The following MTDH variants were observed in gnomAD, a reference collection of about 807,000 sequenced individuals.
MTDH encodes the protein metadherin.
MTDH carries 34 observed loss-of-function variants against 72.7 expected under a neutral mutation model. The observed-to-expected ratio is 0.47, with a 90% CI of 0.36 to 0.62. The LOEUF (loss-of-function observed/expected upper bound fraction) is 0.62. Among genes scored for constraint, MTDH ranks in the 20% least tolerant of loss-of-function variants. The probability of loss-of-function intolerance (pLI) is 0.00; values close to 1 mark genes in which losing one functional copy is unlikely to be tolerated. For synonymous variants in MTDH, 266 were observed against 268.9 expected (o/e 0.99, Z 0.10); for missense variants, 677 against 699.4 (o/e 0.97, Z 0.36).
intron 10 of MTDH, among the ~76,000 whole-genome samples, chr8:97,719,434 A>C (rs1563571036): frequency 6.7e-6 from 1 of 148,226 alleles, no homozygotes; most frequent in Non-Finnish European, 1.5e-5. Flanking sequence ...CGGAGGGTGC[A>C]GTGAGCCGAG....
At chr8:97,679,072 A>G (rs548400860) in intron 2 of MTDH, among the ~76,000 whole-genome samples, 1 of 152,214 alleles carries the variant, frequency 6.6e-6, no homozygotes, top group Non-Finnish European at 1.5e-5. Flanking sequence ...CCAGAGCACG[A>G]GTACATGGGA....
intron 2 of MTDH, among the ~76,000 whole-genome samples, chr8:97,684,250 T>G (rs1342800273): frequency 6.6e-6 from 1 of 152,174 alleles, no homozygotes; most frequent in Non-Finnish European, 1.5e-5. Flanking sequence ...CTTATTGTGT[T>G]GCTTTTTTTA....
At position 97,660,378 on chromosome 8, in the gene MTDH, G is replaced by A. The variant is rs539569436; in HGVS notation, c.382-694G>A. On this transcript the variant is annotated intron_variant, in intron 1 of 11. Transcript: ENST00000336273. ...AATTACAGAATTAGAGGTTCCATTA[G>A]AGATTGCCTAACATTCATTTGTTTA... Among the ~76,000 whole-genome samples the A allele has an allele frequency of 2.0e-5, 3 of 152,284 alleles. No individual in the cohort carries two copies. The South Asian group carries it at 6.2e-4, about 32-fold the overall frequency.
At chr8:97,673,972 C>G (rs1032710021) in intron 2 of MTDH, among the ~76,000 whole-genome samples, 1 of 151,898 alleles carries the variant, frequency 6.6e-6, no homozygotes, top group African/African-American at 2.4e-5. Flanking sequence ...GAAACCCTAT[C>G]TCAAAAATCA....
chr8:97,691,158 T>C lies in MTDH; in HGVS notation c.1018T>C (p.Trp340Arg). 6.2e-7 allele frequency: 1 copy of C among 1,611,072 alleles called. No individual in the cohort carries two copies. Among genetic ancestry groups the C allele is most frequent in the Non-Finnish European group, 8.5e-7 (1 of 1,178,594 alleles). The change falls in exon 6 of 12, where the codon TGG becomes CGG. Residue 340 changes from tryptophan (W) to arginine (R), a missense_variant. Physicochemically the swap from Trp to Arg is moderately radical, Grantham distance 101 (BLOSUM62 -3). Coordinates refer to ENST00000336273, the MANE Select transcript of MTDH (RefSeq NM_178812.4). The stretch of plus-strand genomic sequence containing the variant: ...AAATGGAAAAGACTGGGGAAGGAGT[T>C]GGAGTGACCGTTCAATATTTTCTGG... ...NTNGKDWGRS[W>R]SDRSIFSGIG... is the part of the protein sequence containing the mutation.
intron 2 of MTDH, among the ~76,000 whole-genome samples, chr8:97,675,942 T>A (rs61330550): frequency 1.3e-5 from 2 of 148,438 alleles, no homozygotes; most frequent in South Asian, 2.1e-4. Context: ...CAAATAGGTT[T>A]TTTTTTTTTT....
rs1251397296 is a variant in MTDH, at chr8:97,726,236, G to A, written c.*1566G>A. ...TAACATCTGTTTCAGGAACATGGCA[G>A]TATGTTTACATGTCAGAAGTTTTGT... On this transcript the variant is annotated 3_prime_UTR_variant, in exon 12 of 12. Coordinates refer to ENST00000336273, the MANE Select transcript of MTDH (RefSeq NM_178812.4). 1.3e-5 allele frequency: 2 copies of A among 152,670 alleles called. No homozygotes were observed. The highest frequency in any genetic ancestry group is 2.4e-5 in the African/African-American group (1 of 41,468). 9.5% of individuals were successfully genotyped at this position (152,670 alleles called of 1,614,324 possible).
chr8:97,686,794 CT>C, intron 3 of MTDH, 42 bp downstream of exon 3: 5 of 1,364,896 alleles, frequency 3.7e-6, no homozygotes, highest in South Asian at 1.4e-5. Flanking sequence ...TTTTTTAATC[CT>C]TTTTTATCAA....
chr8:97,660,308 C>T (rs1287657607), intron 1 of MTDH, among the ~76,000 whole-genome samples: 2 of 152,114 alleles, frequency 1.3e-5, no homozygotes, highest in Non-Finnish European at 2.9e-5. Context: ...TAGGCTGTGG[C>T]AATGGGTCGG....
At chr8:97,697,579 G>A (rs536460903) in intron 6 of MTDH, among the ~76,000 whole-genome samples, 4 of 151,872 alleles carry the variant, frequency 2.6e-5, no homozygotes, top group South Asian at 2.1e-4. Context: ...TAGAGACAGT[G>A]TTTTACCGTG....
At chr8:97,678,003 C>T (rs1253835443) in intron 2 of MTDH, among the ~76,000 whole-genome samples, 1 of 152,180 alleles carries the variant, frequency 6.6e-6, no homozygotes, top group Non-Finnish European at 1.5e-5. Context: ...TTAGCATATA[C>T]TGTTTGATGC....
At chr8:97,710,887 C>G (rs1814602819) in intron 8 of MTDH, among the ~76,000 whole-genome samples, 1 of 151,864 alleles carries the variant, frequency 6.6e-6, no homozygotes, top group South Asian at 2.1e-4. Flanking sequence ...ATAATCCTAG[C>G]TACTTGGGAG....
chr8:97,681,880 T>G (rs1813090638), intron 2 of MTDH, among the ~76,000 whole-genome samples: 1 of 152,120 alleles, frequency 6.6e-6, no homozygotes, highest in African/African-American at 2.4e-5. Flanking sequence ...TGTATTTAGT[T>G]ATGTATACTC....
chr8:97,657,095 T>G (rs1433380168), intron 1 of MTDH, among the ~76,000 whole-genome samples: 1 of 152,120 alleles, frequency 6.6e-6, no homozygotes, highest in Non-Finnish European at 1.5e-5. Context: ...ATATCCTCAT[T>G]CTGGTTTACT....
In MTDH at chr8:97,724,769, A is replaced by C. The variant is rs1424247281; in HGVS notation, c.*99A>C. On this transcript the variant is annotated 3_prime_UTR_variant, in exon 12 of 12. Coordinates refer to ENST00000336273, the MANE Select transcript of MTDH (RefSeq NM_178812.4). ...GTGAACATGTACAGAGTTTTATATA[A>C]ATTTAAACCAATTTTTAAAACAAAA... The C allele has an allele frequency of 2.8e-5, 24 of 848,096 alleles. No individual in the cohort carries two copies. Among genetic ancestry groups the C allele is most frequent in the Non-Finnish European group, 1.4e-5 (8 of 577,232 alleles). The allele number at this position is 848,096 out of a possible 1,614,324, so 52.5% of individuals were successfully genotyped here.
intron 10 of MTDH, among the ~76,000 whole-genome samples, chr8:97,721,989 T>G (rs1333084734): frequency 1.3e-5 from 2 of 152,212 alleles, no homozygotes; most frequent in Admixed American, 6.5e-5. Context: ...GGAAGGAGAT[T>G]AGGAGTTGTC....
intron 1 of MTDH, among the ~76,000 whole-genome samples, chr8:97,659,365 T>C (rs1407929156): frequency 6.6e-6 from 1 of 152,092 alleles, no homozygotes; most frequent in Non-Finnish European, 1.5e-5. Context: ...GAAAACCAAA[T>C]CAAGAGTAAG....
intron 2 of MTDH, among the ~76,000 whole-genome samples, chr8:97,673,779 A>G (rs1445048895): frequency 6.6e-6 from 1 of 151,980 alleles, no homozygotes; most frequent in Non-Finnish European, 1.5e-5. Context: ...GTTCAAGACC[A>G]GCTTGGGCAA....
At chr8:97,695,293 T>G (rs2131020437) in intron 6 of MTDH, among the ~76,000 whole-genome samples, 1 of 152,142 alleles carries the variant, frequency 6.6e-6, no homozygotes, top group Admixed American at 6.5e-5. Flanking sequence ...TTTGTATTTT[T>G]AGTAGAAATA....
Sources: gnomAD v4.1 joint callset for allele counts (sites outside exome capture counted in the v4.1 genomes callset) on GRCh38, gnomAD v4.1.1 for gene constraint, MANE v1.5 for transcripts, NCBI Gene and HGNC (gene_info 2026-07-23, HGNC 2026-07-21) for gene names.